Variants in AKR7A3 observed in about 807,000 individuals in gnomAD.
AKR7A3 encodes the protein aldo-keto reductase family 7 member A3.
In AKR7A3, 37 loss-of-function variants were observed where a neutral mutation model predicts 32.5. That is an observed-to-expected ratio of 1.14 (90% CI 0.88 to 1.50). The LOEUF (loss-of-function observed/expected upper bound fraction) is 1.50. Among genes scored for constraint, AKR7A3 ranks in the 40% most tolerant of loss-of-function variants. The pLI, the probability that AKR7A3 is intolerant of heterozygous loss-of-function variation, is 0.00. For missense variants in AKR7A3, 412 were observed against 453.2 expected (o/e 0.91, Z 0.83); for synonymous variants, 177 against 188.4 (o/e 0.94, Z 0.50).
At position 19,285,915 on chromosome 1, in the gene AKR7A3, G is replaced by A. The variant is rs578058707; in HGVS notation, c.480C>T (p.Asn160=). Residue 160 remains asparagine, a synonymous_variant, in exon 3 of 7, where the codon AAC becomes AAT. Coordinates refer to ENST00000361640, the MANE Select transcript of AKR7A3 (RefSeq NM_012067.3). ...VAEICTLCKS[N]GWILPTVYQG... ...GGTACACAGTGGGCAGGATCCAGCC[G>A]TTGCTCTTGCAGAGGGTACAGATCT... 32 of 1,613,676 alleles carry A rather than the reference G, an allele frequency of 2.0e-5. No homozygotes were observed. Among genetic ancestry groups the A allele is most frequent in the African/African-American group, 1.1e-4 (8 of 74,750 alleles).
intron 3 of AKR7A3, 114 bp from the exon 4 acceptor site, chr1:19,285,228 C>A: frequency 1.0e-6 from 1 of 993,790 alleles, no homozygotes; most frequent in Non-Finnish European, 1.5e-6. Context: ...CTTTAACCGT[C>A]TGGGCGTATA....
Position 19,288,519 on chromosome 1 carries a change from C to G in AKR7A3, c.191G>C (p.Arg64Pro). 1 of 1,610,906 alleles carries G rather than the reference C, an allele frequency of 6.2e-7. No individual in the cohort carries two copies. Among genetic ancestry groups the G allele is most frequent in the Non-Finnish European group, 8.5e-7 (1 of 1,179,468 alleles). Reference protein sequence around the residue: ...SETILGGLGLRLGGSDCRVKI... With the variant: ...SETILGGLGLPLGGSDCRVKI... ...ACCTCTGCAGTCGCTGCCGCCCAGCCGGAGCCCCAGGCCGCCAAGGATGGT... is the reference window on the plus strand; with the variant it reads ...ACCTCTGCAGTCGCTGCCGCCCAGCGGGAGCCCCAGGCCGCCAAGGATGGT... Residue 64 changes from arginine (R) to proline (P), a missense_variant, in exon 1 of 7, where the codon CGG (arginine) becomes CCG (proline). Coordinates refer to ENST00000361640, the MANE Select transcript of AKR7A3 (RefSeq NM_012067.3).
intron 6 of AKR7A3, among the ~76,000 whole-genome samples, chr1:19,283,622 G>A (rs908890867): frequency 6.6e-6 from 1 of 152,010 alleles, no homozygotes; most frequent in Non-Finnish European, 1.5e-5. Flanking sequence ...CTGAGTTCAG[G>A]AATTTGAGAC....
chr1:19,287,872 G>C (rs1169522257), intron 1 of AKR7A3, among the ~76,000 whole-genome samples: 1 of 152,150 alleles, frequency 6.6e-6, no homozygotes, highest in South Asian at 2.1e-4. Flanking sequence ...CTCCCACAGA[G>C]AGGGCAGTGA....
chr1:19,288,438 G>A, intron 1 of AKR7A3, 58 bp downstream of exon 1: 1 of 1,576,188 alleles, frequency 6.3e-7, no homozygotes, highest in African/African-American at 1.4e-5. Flanking sequence ...GGCGGTACAC[G>A]GCTGTGGACA....
In AKR7A3 at chr1:19,283,888, AAAGAG is replaced by A. The variant is rs910729410; in HGVS notation, c.834+103_834+107del. 1.3e-5 allele frequency: 20 copies of A among 1,547,066 alleles called. No individual in the cohort carries two copies. In the African/African-American group the frequency reaches 2.5e-4, roughly 19 times the overall value. On this transcript the variant is annotated intron_variant, in intron 6 of 6. Transcript: ENST00000361640. The stretch of plus-strand genomic sequence containing the variant: ...GAAGAATGTTTGTGAGAGTTGAAAG[AAAGAG>A]AAATTTCAGAGGAATCGATAAACAA...
chr1:19,279,837 G>T (rs554228219), downstream of AKR7A3, among the ~76,000 whole-genome samples: 1 of 151,854 alleles, frequency 6.6e-6, no homozygotes, highest in African/African-American at 2.4e-5. Context: ...CCCACGACCC[G>T]CAGGCCGCAT....
the AKR7A3 span, among the ~76,000 whole-genome samples, chr1:19,274,360 G>A: frequency 6.6e-6 from 1 of 151,894 alleles, no homozygotes; most frequent in Non-Finnish European, 1.5e-5. Context: ...GTCCGCAAGG[G>A]TGAGGGGGTC....
rs771800500 is a variant in AKR7A3 at position 19,286,199 on chromosome 1, G to C, written c.388C>G (p.Gln130Glu). ...GGTCCCCTCACCTCCTGGTGCAGCT[G>C]GTGGCAGGCACGCAGTGTCTCTTCC... ...PVEETLRACH[Q>E]LHQEGKFVEL... Residue 130 changes from glutamine (Q) to glutamate (E), a missense_variant, in exon 2 of 7, where the codon CAG (glutamine) becomes GAG (glutamate). Physicochemically the swap from Gln to Glu is conservative, Grantham distance 29. Transcript: ENST00000361640. The C allele has an allele frequency of 1.9e-6, 3 of 1,612,690 alleles. No homozygotes were observed. Among genetic ancestry groups the C allele is most frequent in the Non-Finnish European group, 2.5e-6 (3 of 1,180,010 alleles).
Position 19,284,068 on chromosome 1 carries a change from G to A in AKR7A3, c.762C>T (p.Ala254=), listed in dbSNP as rs149649188. ...GIALVEKALQ[A]AYGASAPSMT... ...TGCTGGGGGCGCTGGCGCCATACGC[G>A]GCCTGCAGGGCCTTCTCCACCAGGG... is the stretch of plus-strand genomic sequence containing the variant. Residue 254 remains alanine, a synonymous_variant, in exon 6 of 7, where the codon GCC becomes GCT. Transcript: ENST00000361640. 1,564 of 1,613,652 alleles carry A rather than the reference G, an allele frequency of 9.7e-4. 2 individuals are homozygous for A. Among genetic ancestry groups the A allele is most frequent in the Admixed American group, 1.5e-3 (91 of 60,012 alleles).
intron 1 of AKR7A3, among the ~76,000 whole-genome samples, chr1:19,286,838 A>G (rs1274220465): frequency 6.6e-6 from 1 of 151,858 alleles, no homozygotes; most frequent in Non-Finnish European, 1.5e-5. Context: ...CCTAGCAAAG[A>G]GCAGGTTTGA....
chr1:19,284,285 C>T (rs1284896375), intron 5 of AKR7A3, among the ~76,000 whole-genome samples, 160 bp from the exon 6 acceptor site: 5 of 151,962 alleles, frequency 3.3e-5, no homozygotes, highest in African/African-American at 1.2e-4. Flanking sequence ...GAGAACCACT[C>T]AGGATGCTGG....
At chr1:19,280,099 G>GGTT, downstream of AKR7A3, among the ~76,000 whole-genome samples, 1 of 151,656 alleles carries the variant, frequency 6.6e-6, no homozygotes, top group Non-Finnish European at 1.5e-5. Context: ...CCATTCTGTG[G>GGTT]GTTGTCATTT....
chr1:19,288,448 A>G (rs1355702135), intron 1 of AKR7A3, 48 bp downstream of exon 1: 3 of 1,590,496 alleles, frequency 1.9e-6, no homozygotes, highest in South Asian at 2.2e-5. Flanking sequence ...GGCTGTGGAC[A>G]GGCTCAGCTC....
At position 19,284,810 on chromosome 1, in the gene AKR7A3, C is replaced by A. The variant is rs373402145; in HGVS notation, c.605-25G>T. ...CCTGAGGGAAAGCAGCAATCAGCCC[C>A]GGGGCCTAGAGTGCCCCAGAAGCTG... On this transcript the variant is annotated intron_variant, in intron 4 of 6. Coordinates refer to ENST00000361640, the MANE Select transcript of AKR7A3 (RefSeq NM_012067.3). 1.5e-5 allele frequency: 24 copies of A among 1,611,828 alleles called. No homozygotes were observed. In the Admixed American group the frequency reaches 2.0e-4, roughly 13 times the overall value.
chr1:19,286,431 C>A, intron 1 of AKR7A3, 59 bp from the exon 2 acceptor site: 1 of 1,557,520 alleles, frequency 6.4e-7, no homozygotes, highest in East Asian at 2.3e-5. Flanking sequence ...CCTGTAATCC[C>A]AGCACTTTGG....
In AKR7A3 at chr1:19,284,129, G is replaced by A. The variant is rs1406416491; in HGVS notation, c.705-4C>T. The A allele has an allele frequency of 2.5e-6, 4 of 1,608,294 alleles. No individual in the cohort carries two copies. The highest frequency in any genetic ancestry group is 3.4e-6 in the Non-Finnish European group (4 of 1,176,924). ...AAAGTGGTGCTCCTTCCAGTAGCTG[G>A]GAAGGGGGGACGGTGGCACAGGTGT... On this transcript the variant is annotated splice_region_variant and splice_polypyrimidine_tract_variant and intron_variant, in intron 5 of 6. Coordinates refer to ENST00000361640, the MANE Select transcript of AKR7A3 (RefSeq NM_012067.3).
chr1:19,286,038 G>A (rs1328504900), intron 2 of AKR7A3, 46 bp from the exon 3 acceptor site: 1 of 1,610,434 alleles, frequency 6.2e-7, no homozygotes, highest in Non-Finnish European at 8.5e-7. Flanking sequence ...GCCCAGACCA[G>A]GAAAGGGAGG....
At position 19,286,004 on chromosome 1, in the gene AKR7A3, A is replaced by T. The variant is rs1271530833; in HGVS notation, c.403-12T>A. ...TCCACGAACTTGCCCTGCTCAGGTG[A>T]GGCTCCAGTCAGAACATAGTGCAGC... is the stretch of plus-strand genomic sequence containing the variant. On this transcript the variant is annotated splice_polypyrimidine_tract_variant and intron_variant, in intron 2 of 6. Coordinates refer to ENST00000361640, the MANE Select transcript of AKR7A3 (RefSeq NM_012067.3). 1 of 1,613,630 alleles carries T rather than the reference A, an allele frequency of 6.2e-7. No individual in the cohort carries two copies.
Sources: gnomAD v4.1 joint callset for allele counts (sites outside exome capture counted in the v4.1 genomes callset) on GRCh38, gnomAD v4.1.1 for gene constraint, MANE v1.5 for transcripts, NCBI Gene and HGNC (gene_info 2026-07-23, HGNC 2026-07-21) for gene names.